Variants in MEI1 observed in about 807,000 individuals in gnomAD.
MEI1 encodes the protein meiotic double-stranded break formation protein 1.
A neutral mutation model predicts 146.2 loss-of-function variants in MEI1; 103 were observed. The observed-to-expected ratio is 0.70, with a 90% CI of 0.60 to 0.83. The LOEUF is 0.83. Ranked by LOEUF, MEI1 falls within the 40% of genes least tolerant of loss-of-function variation. The probability of loss-of-function intolerance (pLI) is 0.00; values close to 1 mark genes in which losing one functional copy is unlikely to be tolerated. For synonymous variants in MEI1, 652 were observed against 628.2 expected (o/e 1.04, Z -0.57); for missense variants, 1,529 against 1,533.0 (o/e 1.00, Z 0.04).
chr22:41,784,421 G>A lies in MEI1; in HGVS notation c.3169+1G>A, dbSNP rs533261040. On this transcript the variant is annotated splice_donor_variant, in intron 25 of 30. Transcript: ENST00000401548. LOFTEE classifies it high-confidence loss of function. ...AAGAAAAAGGCTGCACTACTCTCAG[G>A]TATGGGTCCACAAGTCTCCAGCAGA... The A allele has an allele frequency of 2.5e-6, 4 of 1,613,866 alleles. No homozygotes were observed. Among genetic ancestry groups the A allele is most frequent in the East Asian group, 2.2e-5 (1 of 44,888 alleles).
chr22:41,712,071 G>T (rs1325901294), intron 3 of MEI1, among the ~76,000 whole-genome samples: 13 of 150,742 alleles, frequency 8.6e-5, no homozygotes, highest in Admixed American at 4.6e-4. Context: ...GGCGTGGGGG[G>T]CGGGTGCCTG....
intron 3 of MEI1, among the ~76,000 whole-genome samples, chr22:41,706,900 G>A (rs1391592357): frequency 1.3e-5 from 2 of 151,724 alleles, no homozygotes; most frequent in Non-Finnish European, 2.9e-5. Flanking sequence ...TTTAAAGAAT[G>A]GTTAAGTAGG....
chr22:41,771,158 T>C (rs2075160809), intron 20 of MEI1, among the ~76,000 whole-genome samples, 197 bp downstream of exon 20: 1 of 152,184 alleles, frequency 6.6e-6, no homozygotes, highest in African/African-American at 2.4e-5. Flanking sequence ...TACTCTTTCC[T>C]AAGTCTAATG....
chr22:41,735,128 A>G (rs2072225271), intron 11 of MEI1, among the ~76,000 whole-genome samples: 1 of 145,166 alleles, frequency 6.9e-6, no homozygotes, highest in Non-Finnish European at 1.5e-5. Flanking sequence ...CACCTGGCTA[A>G]TTTTTTTGTA....
chr22:41,752,493 ACT>A (rs1387653398), intron 15 of MEI1, 96 bp from the exon 16 acceptor site: 2 of 1,106,538 alleles, frequency 1.8e-6, no homozygotes, highest in East Asian at 2.6e-5. Context: ...AGTCTGTGTA[ACT>A]CTGAAACCAG....
chr22:41,741,326 A>T (rs549897304), intron 11 of MEI1, among the ~76,000 whole-genome samples: 2 of 152,344 alleles, frequency 1.3e-5, no homozygotes, highest in African/African-American at 4.8e-5. Flanking sequence ...TTATTATAGC[A>T]GCCCTAAGAA....
At chr22:41,740,062 C>T (rs6002460) in intron 11 of MEI1, among the ~76,000 whole-genome samples, 29,389 of 151,626 alleles carry the variant, frequency 0.19, 7,727 homozygotes, top group African/African-American at 0.6. Context: ...CTCTGTTGCT[C>T]AGGCTGGAGT....
chr22:41,771,100 G>A (rs1476373400), intron 20 of MEI1, 139 bp downstream of exon 20: 3 of 943,390 alleles, frequency 3.2e-6, no homozygotes, highest in Non-Finnish European at 4.8e-6. Flanking sequence ...GTGAGTTGGA[G>A]GGGTGGTGGT....
chr22:41,794,153 C>T (rs1041105998), intron 27 of MEI1, among the ~76,000 whole-genome samples: 1 of 152,242 alleles, frequency 6.6e-6, no homozygotes, highest in African/African-American at 2.4e-5. Flanking sequence ...GCCCTTCTTA[C>T]TGCCTGCCTT....
At chr22:41,747,728 C>T (rs910736357) in intron 14 of MEI1, among the ~76,000 whole-genome samples, 1 of 144,792 alleles carries the variant, frequency 6.9e-6, no homozygotes, top group Non-Finnish European at 1.5e-5. Flanking sequence ...ACCCCACCCC[C>T]ACCCCCCCAA....
Position 41,745,974 on chromosome 22 carries a change from T to C in MEI1, c.1628T>C (p.Phe543Ser), listed in dbSNP as rs759063235. The change falls in exon 14 of 31, where the codon TTC (phenylalanine) becomes TCC (serine). Residue 543 changes from phenylalanine (F) to serine (S), a missense_variant. Phe to Ser is a radical substitution (Grantham distance 155, BLOSUM62 -2). Coordinates refer to ENST00000401548, the MANE Select transcript of MEI1 (RefSeq NM_152513.4). ...AAGAAGGAAGACACCTTGGAGGCCT[T>C]CTCAGAATTTCTTCTCAGTGCCTGT... ...SAKKEDTLEA[F>S]SEFLLSACDS... 91 of 1,612,880 alleles carry C rather than the reference T, an allele frequency of 5.6e-5. No homozygotes were observed. Among genetic ancestry groups the C allele is most frequent in the Non-Finnish European group, 7.5e-5 (88 of 1,179,418 alleles).
intron 16 of MEI1, 103 bp from the exon 17 acceptor site, chr22:41,753,846 C>A: frequency 1.2e-6 from 1 of 836,016 alleles, no homozygotes; most frequent in Non-Finnish European, 2.0e-6. Context: ...TTTCACTAGC[C>A]TCTGGCACAA....
intron 4 of MEI1, among the ~76,000 whole-genome samples, chr22:41,715,545 C>G (rs1345589579): frequency 3.3e-5 from 5 of 151,778 alleles, no homozygotes; most frequent in Non-Finnish European, 7.4e-5. Context: ...ACAGGCGCCT[C>G]CCACCACACC....
rs1372839695 is a variant in MEI1, at chr22:41,763,156, G to T, written c.2121-18G>T. ...TGCCAACTCTGCCTTTCTCACTCAG[G>T]CTTTTCTTGGTTGACAGGTTTGTCT... On this transcript the variant is annotated intron_variant, in intron 18 of 30. Transcript: ENST00000401548. 6.2e-7 allele frequency: 1 copy of T among 1,612,634 alleles called. No individual in the cohort carries two copies. Among genetic ancestry groups the T allele is most frequent in the Non-Finnish European group, 8.5e-7 (1 of 1,179,220 alleles).
At chr22:41,785,303 C>T (rs903448509) in intron 26 of MEI1, among the ~76,000 whole-genome samples, 14 of 151,436 alleles carry the variant, frequency 9.2e-5, no homozygotes, top group Non-Finnish European at 1.9e-4. Flanking sequence ...AGCTCTGTCG[C>T]CCAGGCTGGT....
chr22:41,794,762 C>T (rs925955958), intron 28 of MEI1, among the ~76,000 whole-genome samples: 3 of 152,150 alleles, frequency 2.0e-5, no homozygotes, highest in Admixed American at 2.0e-4. Context: ...TATCAATGAA[C>T]CAGATACTCT....
chr22:41,730,488 C>A, intron 8 of MEI1, 33 bp from the exon 9 acceptor site: 2 of 1,448,824 alleles, frequency 1.4e-6, no homozygotes, highest in South Asian at 2.3e-5. Flanking sequence ...ACATGGCTGT[C>A]ATTTATTGTT....
In MEI1 at chr22:41,758,484, C is replaced by T; in HGVS notation, c.2071C>T (p.Gln691Ter). Residue 691 changes from glutamine to a stop codon, truncating the protein, a stop_gained, in exon 18 of 31, where the codon CAG becomes TAG. Transcript: ENST00000401548. LOFTEE classifies it high-confidence loss of function. Reference sequence around the variant, plus strand: ...CATGGAGGGAGCTGCTCGCCAGAGACAGTACTGCATCCTGCTCCTCTTCTA... The same window carrying T: ...CATGGAGGGAGCTGCTCGCCAGAGATAGTACTGCATCCTGCTCCTCTTCTA... The part of the protein sequence containing the change: ...QYMEGAARQR[Q>*]YCILLLFYLA... 6.2e-7 allele frequency: 1 copy of T among 1,613,820 alleles called. No homozygotes were observed. The highest frequency in any genetic ancestry group is 8.5e-7 in the Non-Finnish European group (1 of 1,179,824).
At chr22:41,770,663 T>C (rs2075126699) in intron 19 of MEI1, 23 bp from the exon 20 acceptor site, 1 of 1,608,134 alleles carries the variant, frequency 6.2e-7, no homozygotes, top group East Asian at 2.2e-5. Context: ...TGTATTTACC[T>C]CCTTTCTTTG....
Sources: gnomAD v4.1 joint callset for allele counts (sites outside exome capture counted in the v4.1 genomes callset) on GRCh38, gnomAD v4.1.1 for gene constraint, MANE v1.5 for transcripts, NCBI Gene and HGNC (gene_info 2026-07-23, HGNC 2026-07-21) for gene names.